Variants in TTC28 observed in about 807,000 individuals in gnomAD.
The protein encoded by TTC28 is tetratricopeptide repeat protein 28.
TTC28 carries 61 observed loss-of-function variants against 198.0 expected under a neutral mutation model. That is an observed-to-expected ratio of 0.31 (90% CI 0.25 to 0.38). TTC28 has a LOEUF of 0.38. TTC28 is among the 10% of genes least tolerant of loss of function. The pLI, the probability that TTC28 is intolerant of heterozygous loss-of-function variation, is 1.00. For synonymous variants in TTC28, 1,171 were observed against 1,297.8 expected (o/e 0.90, Z 2.10); for missense variants, 2,678 against 3,164.0 (o/e 0.85, Z 3.69).
At chr22:28,368,152 CTCAACAAAATACTAGCATATTGGAT>C (rs2046277361) in intron 2 of TTC28, among the ~76,000 whole-genome samples, 1 of 151,892 alleles carries the variant, frequency 6.6e-6, no homozygotes, top group Non-Finnish European at 1.5e-5. Context: ...TGCAAAAAGC[CTCAACAAAATACTAGCATATTGGAT>C]TCAACAAGAC....
Position 28,591,036 on chromosome 22 carries a change from CACACATATATATATATATATATATAT to C in TTC28, c.381+38490_381+38515del, listed in dbSNP as rs1163142743. Reference sequence around the variant, plus strand: ...ACACACACACACACACACACACACACACACATATATATATATATATATATATATATATATATATATATATATATAGG... The same window carrying C: ...ACACACACACACACACACACACACACATATATATATATATATATATATAGG... On this transcript the variant is annotated intron_variant, in intron 2 of 22. Coordinates refer to ENST00000397906, the MANE Select transcript of TTC28 (RefSeq NM_001145418.2). Among the ~76,000 whole-genome samples the C allele has an allele frequency of 1.0e-4, 3 of 29,300 alleles. No homozygotes were observed. The Admixed American group carries it at 1.5e-3, about 15-fold the overall frequency. 19.2% of individuals were successfully genotyped at this position (29,300 alleles called of 152,430 possible).
In TTC28 at chr22:28,163,102, G is replaced by C. The variant is rs1182670562; in HGVS notation, c.1431C>G (p.Ser477=). The C allele has an allele frequency of 6.5e-7, 1 of 1,548,310 alleles. No individual in the cohort carries two copies. The highest frequency in any genetic ancestry group is 2.4e-5 in the East Asian group (1 of 40,910). Reference sequence around the variant, plus strand: ...CAACCCTGTTCTTACCTAGATTGGAGGATGCTCGCCCCTCTGCAGCCCGGT... The same window carrying C: ...CAACCCTGTTCTTACCTAGATTGGACGATGCTCGCCCCTCTGCAGCCCGGT... ...LKDRAAEGRA[S]SNLGIIHQMK... is the part of the protein sequence containing the mutation. The change falls in exon 6 of 23, where the codon TCC becomes TCG. Residue 477 remains serine (S), a synonymous_variant. Transcript: ENST00000397906.
intron 1 of TTC28, among the ~76,000 whole-genome samples, chr22:28,630,388 T>A (rs1433042686): frequency 6.6e-6 from 1 of 152,166 alleles, no homozygotes; most frequent in African/African-American, 2.4e-5. Context: ...AGCCTCAAGC[T>A]CCAGGCACAA....
rs1286319667 is a variant in TTC28, at chr22:28,136,151, G to A, written c.1441+26941C>T. 3.3e-5 allele frequency among the ~76,000 whole-genome samples: 5 copies of A among 152,078 alleles called. No individual in the cohort carries two copies. In the South Asian group the frequency reaches 6.2e-4, roughly 19 times the overall value. ...GCTATTAAAGTTTCAAAATGCTTAC[G>A]TTTTGTTTTTTGGTATGGGGTCTCC... is the stretch of plus-strand genomic sequence containing the variant. On this transcript the variant is annotated intron_variant, in intron 6 of 22. Coordinates refer to ENST00000397906, the MANE Select transcript of TTC28 (RefSeq NM_001145418.2).
intron 2 of TTC28, among the ~76,000 whole-genome samples, chr22:28,450,640 C>T (rs2047765653): frequency 6.6e-6 from 1 of 152,072 alleles, no homozygotes; most frequent in Admixed American, 6.6e-5. Context: ...ATCATCACAC[C>T]ATAGACTTTT....
At chr22:28,127,124 G>A (rs1942935714) in intron 6 of TTC28, among the ~76,000 whole-genome samples, 1 of 152,148 alleles carries the variant, frequency 6.6e-6, no homozygotes, top group African/African-American at 2.4e-5. Flanking sequence ...GCAAAGTCAG[G>A]CCCTGTTAAA....
At position 28,504,284 on chromosome 22, in the gene TTC28, AGGTAATT is replaced by A. The variant is rs2048573446; in HGVS notation, c.381+125261_381+125267del. ...AACAAGTAAAAGTGAGATATATAAC[AGGTAATT>A]ATTAATCACAAGTAATTTTGAGTTA... On this transcript the variant is annotated intron_variant, in intron 2 of 22. Coordinates refer to ENST00000397906, the MANE Select transcript of TTC28 (RefSeq NM_001145418.2). Among the ~76,000 whole-genome samples the A allele has an allele frequency of 2.0e-5, 3 of 152,236 alleles. No homozygotes were observed. In the East Asian group the frequency reaches 5.8e-4, roughly 29 times the overall value.
chr22:28,590,960 T>C (rs962714085), intron 2 of TTC28, among the ~76,000 whole-genome samples: 15 of 139,790 alleles, frequency 1.1e-4, no homozygotes, highest in Non-Finnish European at 2.0e-4. Context: ...GAGCCAAGAT[T>C]GCACCACTGC....
chr22:28,654,002 C>A (rs2051604827), intron 1 of TTC28, among the ~76,000 whole-genome samples: 2 of 152,174 alleles, frequency 1.3e-5, no homozygotes, highest in East Asian at 1.9e-4. Context: ...GTGTGCTGAA[C>A]TTCCGTTCTT....
intron 2 of TTC28, among the ~76,000 whole-genome samples, chr22:28,526,760 T>A (rs2146445767): frequency 6.6e-6 from 1 of 152,184 alleles, no homozygotes; most frequent in Non-Finnish European, 1.5e-5. Context: ...TGTTTTTTTA[T>A]TTTAATTTTT....
At position 28,071,455 on chromosome 22, in the gene TTC28, C is replaced by A. The variant is rs1370609318; in HGVS notation, c.3932+22625G>T. On this transcript the variant is annotated intron_variant, in intron 12 of 22. Coordinates refer to ENST00000397906, the MANE Select transcript of TTC28 (RefSeq NM_001145418.2). Reference sequence around the variant, plus strand: ...TAGGGACATGGATGAAATTGGAAATCATCATTCTCAGTAAACTATCGCAAG... The same window carrying A: ...TAGGGACATGGATGAAATTGGAAATAATCATTCTCAGTAAACTATCGCAAG... Among the ~76,000 whole-genome samples the A allele has an allele frequency of 2.7e-5, 4 of 149,902 alleles. 1 individual carries two copies. The highest frequency in any genetic ancestry group is 5.9e-5 in the Non-Finnish European group (4 of 67,648).
chr22:28,177,898 C>T (rs1190129932), intron 5 of TTC28, among the ~76,000 whole-genome samples: 1 of 152,096 alleles, frequency 6.6e-6, no homozygotes, highest in African/African-American at 2.4e-5. Flanking sequence ...GGCAATGAAA[C>T]TATTCTGCAT....
intron 2 of TTC28, among the ~76,000 whole-genome samples, chr22:28,524,401 A>C (rs1479447924): frequency 6.6e-6 from 1 of 150,442 alleles, no homozygotes; most frequent in Non-Finnish European, 1.5e-5. Flanking sequence ...CGGAGCTTGC[A>C]GTGAGCCGAG....
Position 28,297,740 on chromosome 22 carries a change from G to A in TTC28, c.642C>T (p.Ala214=), listed in dbSNP as rs1344208908. 10 of 1,551,630 alleles carry A rather than the reference G, an allele frequency of 6.4e-6. No homozygotes were observed. Among genetic ancestry groups the A allele is most frequent in the Admixed American group, 3.9e-5 (2 of 50,990 alleles). The change falls in exon 4 of 23, where the codon GCC becomes GCT. Residue 214 remains alanine, a synonymous_variant. Transcript: ENST00000397906. ...QELLTAGHHG[A]SVVVLEAALK... is the part of the protein sequence containing the mutation. ...GTGCGGCTTCTAAGACAACCACAGA[G>A]GCCCCATGATGGCCAGCTGTCAGGA...
intron 15 of TTC28, 163 bp from the exon 16 acceptor site, chr22:27,999,423 G>A: frequency 1.9e-6 from 2 of 1,070,366 alleles, no homozygotes; most frequent in Non-Finnish European, 2.6e-6. Flanking sequence ...ACATCTTTTT[G>A]ACACAGGTGC....
At chr22:28,136,272 G>A (rs535106867) in intron 6 of TTC28, among the ~76,000 whole-genome samples, 4 of 152,052 alleles carry the variant, frequency 2.6e-5, no homozygotes, top group Admixed American at 2.0e-4. Context: ...AGCCTCTCAA[G>A]TAGTTGAAAA....
In TTC28 at chr22:28,132,115, G is replaced by A. The variant is rs183921593; in HGVS notation, c.1442-23712C>T. Among the ~76,000 whole-genome samples the A allele has an allele frequency of 8.7e-4, 133 of 152,262 alleles. 1 individual carries two copies. The highest frequency in any genetic ancestry group is 3.0e-3 in the African/African-American group (126 of 41,546). On this transcript the variant is annotated intron_variant, in intron 6 of 22. Transcript: ENST00000397906. The stretch of plus-strand genomic sequence containing the variant: ...TGCTCAGCTATCTGCAATAAAAAGA[G>A]AGACAAGGAAGGAATGAGAAGATAC...
At position 28,421,933 on chromosome 22, in the gene TTC28, CAAAA is replaced by C. The variant is rs3884802; in HGVS notation, c.382-115294_382-115291del. Among the ~76,000 whole-genome samples, 4 of 75,354 alleles carry C rather than the reference CAAAA, an allele frequency of 5.3e-5. No individual in the cohort carries two copies. The East Asian group carries it at 2.1e-3, about 39-fold the overall frequency. 49.4% of individuals were successfully genotyped at this position (75,354 alleles called of 152,430 possible). On this transcript the variant is annotated intron_variant, in intron 2 of 22. Transcript: ENST00000397906. ...CTGGTGACAGAGCAAGACTCCGTCT[CAAAA>C]AAAAAAAAAAAAGAAGAGTTATGAT...
At chr22:28,197,432 TA>T (rs1162368464) in intron 5 of TTC28, among the ~76,000 whole-genome samples, 3 of 150,534 alleles carry the variant, frequency 2.0e-5, no homozygotes, top group Non-Finnish European at 4.4e-5. Flanking sequence ...ATAATAATAA[TA>T]AAAAAAGGAA....
Sources: allele counts gnomAD v4.1 joint callset (sites outside exome capture counted in the v4.1 genomes callset), GRCh38; gene constraint gnomAD v4.1.1; transcripts MANE v1.5; gene names NCBI Gene and HGNC (gene_info 2026-07-23, HGNC 2026-07-21).